The following COL20A1 variants were observed in gnomAD, a reference collection of about 807,000 sequenced individuals.
The protein encoded by COL20A1 is collagen alpha-1(XX) chain.
COL20A1 carries 164 observed loss-of-function variants against 152.9 expected under a neutral mutation model. The ratio of observed to expected loss-of-function variants is 1.07; its 90% CI spans 0.94 to 1.22. The LOEUF is 1.22. Ranked by LOEUF, COL20A1 falls within the 50% of genes most tolerant of loss-of-function variation. COL20A1 has a pLI of 0.00. For synonymous variants in COL20A1, 864 were observed against 756.0 expected (o/e 1.14, Z -2.34); for missense variants, 1,873 against 1,744.8 (o/e 1.07, Z -1.31).
rs746763283 is a variant in COL20A1 at position 63,312,501 on chromosome 20, C to T, written c.1885C>T (p.Leu629Phe). ...CACCTACACTGTCCGTGTCACCTGC[C>T]TCTACCCTGGGGGTGGCTCCTCTAC... ...STTYTVRVTCLYPGGGSSTLT... is the reference protein window; with the variant it reads ...STTYTVRVTCFYPGGGSSTLT... The change falls in exon 15 of 36, where the codon CTC becomes TTC. Residue 629 changes from leucine to phenylalanine, a missense_variant. By Grantham distance (22) the Leu-to-Phe change is conservative. Coordinates refer to ENST00000358894, the MANE Select transcript of COL20A1 (RefSeq NM_020882.4). The T allele has an allele frequency of 2.4e-5, 38 of 1,608,688 alleles. No homozygotes were observed. Among genetic ancestry groups the T allele is most frequent in the Admixed American group, 8.4e-5 (5 of 59,830 alleles).
At chr20:63,299,772 A>G (rs1186778118) in intron 3 of COL20A1, among the ~76,000 whole-genome samples, 1 of 152,024 alleles carries the variant, frequency 6.6e-6, no homozygotes, top group African/African-American at 2.4e-5. Flanking sequence ...TGATTAATGT[A>G]GTAAACTACA....
At chr20:63,303,045 C>T (rs539057077) in intron 3 of COL20A1, among the ~76,000 whole-genome samples, 1 of 152,312 alleles carries the variant, frequency 6.6e-6, no homozygotes, top group African/African-American at 2.4e-5. Flanking sequence ...TGATTATTCC[C>T]TGATGCCATC....
Position 63,297,829 on chromosome 20 carries a change from G to A in COL20A1, c.83-81G>A, listed in dbSNP as rs1490281323. 2.9e-5 allele frequency: 31 copies of A among 1,071,082 alleles called. No individual in the cohort carries two copies. The East Asian group carries it at 6.7e-4, about 23-fold the overall frequency. 66.3% of individuals were successfully genotyped at this position (1,071,082 alleles called of 1,614,324 possible). Reference sequence around the variant, plus strand: ...ACTGTGTTCCTCCCAAATGCTGAGGGCAGGATGCCTGTACCCCCACAGCTG... The same window carrying A: ...ACTGTGTTCCTCCCAAATGCTGAGGACAGGATGCCTGTACCCCCACAGCTG... On this transcript the variant is annotated intron_variant, in intron 2 of 35. Coordinates refer to ENST00000358894, the MANE Select transcript of COL20A1 (RefSeq NM_020882.4).
chr20:63,317,012 G>T (rs1264056986), intron 21 of COL20A1, among the ~76,000 whole-genome samples: 1 of 150,980 alleles, frequency 6.6e-6, no homozygotes, highest in Admixed American at 6.6e-5. Flanking sequence ...GAGGCGATGG[G>T]CCAAACTGCC....
chr20:63,308,684 G>A lies in COL20A1; in HGVS notation c.918G>A (p.Leu306=). 1 of 1,605,578 alleles carries A rather than the reference G, an allele frequency of 6.2e-7. No individual in the cohort carries two copies. The highest frequency in any genetic ancestry group is 8.5e-7 in the Non-Finnish European group (1 of 1,176,492). The change falls in exon 8 of 36, where the codon CTG becomes CTA. Residue 306 remains leucine, a synonymous_variant. Coordinates refer to ENST00000358894, the MANE Select transcript of COL20A1 (RefSeq NM_020882.4). ...VHTAARVLKD[L]GVNVFAVGVK... ...CTGCTGCCCGTGTCCTCAAGGACCT[G>A]GGCGTGAACGTCTTCGCTGTGGGTG... is the stretch of plus-strand genomic sequence containing the variant.
At position 63,313,590 on chromosome 20, in the gene COL20A1, CA is replaced by C. The variant is rs900238573; in HGVS notation, c.2210-152del. Among the ~76,000 whole-genome samples, 5 of 151,944 alleles carry C rather than the reference CA, an allele frequency of 3.3e-5. No individual in the cohort carries two copies. Among genetic ancestry groups the C allele is most frequent in the Admixed American group, 6.6e-5 (1 of 15,260 alleles). ...TGGCAGGGGTGTGGTGTGGTTGTGC[CA>C]GGGGGGTGATGCGGGCTGTGGTAGG... On this transcript the variant is annotated intron_variant, in intron 17 of 35. Transcript: ENST00000358894. The surrounding 1 kb of genome is among the most constrained non-coding windows in gnomAD (Gnocchi z 5.9).
chr20:63,298,312 G>A (rs1040028906), intron 3 of COL20A1, among the ~76,000 whole-genome samples: 3 of 152,090 alleles, frequency 2.0e-5, no homozygotes, highest in South Asian at 2.1e-4. Context: ...TTTTTTAAAG[G>A]CAGGGTCTTG....
At position 63,328,505 on chromosome 20, in the gene COL20A1, G is replaced by A; in HGVS notation, c.3781+7G>A. On this transcript the variant is annotated splice_region_variant and intron_variant, in intron 34 of 35. Transcript: ENST00000358894. ...CGCCACCTTGAGGGCAGAGGTACTG[G>A]GCTCCTGGCTCTTGGGGAGGGAGTT... 2 of 1,602,906 alleles carry A rather than the reference G, an allele frequency of 1.2e-6. No homozygotes were observed. The highest frequency in any genetic ancestry group is 1.7e-6 in the Non-Finnish European group (2 of 1,173,882).
In COL20A1 at chr20:63,320,174, G is replaced by A; in HGVS notation, c.3052G>A (p.Gly1018Ser). Residue 1018 changes from glycine to serine, a missense_variant, in exon 24 of 36, where the codon GGC becomes AGC. Gly to Ser is a moderately conservative substitution (Grantham distance 56). Coordinates refer to ENST00000358894, the MANE Select transcript of COL20A1 (RefSeq NM_020882.4). Reference protein sequence around the residue: ...VTLGRLAKARGPRSSSAAFQL... With the variant: ...VTLGRLAKARSPRSSSAAFQL... ...GCTGGGGAGGCTGGCCAAGGCCAGGGGCCCCCGGAGCAGTTCGGCCGCGGT... is the reference window on the plus strand; with the variant it reads ...GCTGGGGAGGCTGGCCAAGGCCAGGAGCCCCCGGAGCAGTTCGGCCGCGGT... The A allele has an allele frequency of 6.4e-7, 1 of 1,563,070 alleles. No homozygotes were observed. The highest frequency in any genetic ancestry group is 2.4e-5 in the East Asian group (1 of 42,178).
intron 2 of COL20A1, among the ~76,000 whole-genome samples, chr20:63,295,899 C>T (rs773619613): frequency 1.3e-5 from 2 of 152,268 alleles, no homozygotes; most frequent in African/African-American, 2.4e-5. Flanking sequence ...CGGCGCCTCC[C>T]GGCACCTGCA....
intron 21 of COL20A1, among the ~76,000 whole-genome samples, chr20:63,318,368 G>A (rs1182125980): frequency 1.4e-5 from 2 of 145,938 alleles, no homozygotes; most frequent in African/African-American, 2.4e-5. Flanking sequence ...AGGAGGCTAC[G>A]GCCATTGGGA....
At chr20:63,326,053 C>G in intron 29 of COL20A1, 43 bp from the exon 30 acceptor site, 1 of 1,566,786 alleles carries the variant, frequency 6.4e-7, no homozygotes, top group African/African-American at 1.3e-5. Flanking sequence ...GGGCTGGGTA[C>G]AGGTACAAAC....
At position 63,315,432 on chromosome 20, in the gene COL20A1, C is replaced by T. The variant is rs748606268; in HGVS notation, c.2517C>T (p.Ser839=). Residue 839 remains serine, a synonymous_variant, in exon 20 of 36, where the codon TCC becomes TCT. Transcript: ENST00000358894. ...GCCCAGCCCTCCGCCCTGACGGCTC[C>T]CTCCCAGGTGGGTCCTGCATGCCCT... is the stretch of plus-strand genomic sequence containing the variant. ...TACPALRPDG[S]LPGFDLMVAF... is the part of the protein sequence containing the mutation. 9 of 1,578,792 alleles carry T rather than the reference C, an allele frequency of 5.7e-6. No individual in the cohort carries two copies. In the African/African-American group the frequency reaches 1.2e-4, roughly 21 times the overall value.
At chr20:63,314,512 G>T (rs568552068) in intron 19 of COL20A1, among the ~76,000 whole-genome samples, 2 of 152,282 alleles carry the variant, frequency 1.3e-5, no homozygotes, top group South Asian at 4.1e-4. Flanking sequence ...CAGGGCGAGG[G>T]CTCTGAGAGG....
chr20:63,312,589 T>G, intron 15 of COL20A1, 40 bp downstream of exon 15: 3 of 1,531,544 alleles, frequency 2.0e-6, no homozygotes, highest in Non-Finnish European at 2.6e-6. Flanking sequence ...CCAGCAGGGT[T>G]TCTGTGTCCT....
At chr20:63,312,084 G>A (rs1261226192) in intron 14 of COL20A1, 29 bp downstream of exon 14, 2 of 1,525,772 alleles carry the variant, frequency 1.3e-6, no homozygotes, top group East Asian at 2.3e-5. Flanking sequence ...GGGGGCCCGA[G>A]TGTCTTGAGG....
chr20:63,327,814 T>A (rs1328056234), intron 31 of COL20A1, 138 bp from the exon 32 acceptor site: 1 of 853,198 alleles, frequency 1.2e-6, no homozygotes, highest in Non-Finnish European at 1.9e-6. Flanking sequence ...GATCTGGGAA[T>A]TTGGGATGGG....
chr20:63,305,322 TG>T lies in COL20A1; in HGVS notation c.194-91del. 2 of 1,023,438 alleles carry T rather than the reference TG, an allele frequency of 2.0e-6. No individual in the cohort carries two copies. 63.4% of individuals were successfully genotyped at this position (1,023,438 alleles called of 1,614,324 possible). A position where few individuals can be genotyped will look rare whatever the true frequency, so the allele number is the denominator to read the frequency against. ...CTGGCTTCAAGGGGAGCAGCTGGGG[TG>T]GGGAGGAGGAGCCAAGAGGGTTTCA... On this transcript the variant is annotated intron_variant, in intron 3 of 35. Transcript: ENST00000358894. The surrounding 1 kb of genome is among the most constrained non-coding windows in gnomAD (Gnocchi z 4.9).
chr20:63,311,433 T>C lies in COL20A1; in HGVS notation c.1433T>C (p.Val478Ala), dbSNP rs2068003568. The change falls in exon 12 of 36, where the codon GTG becomes GCG. Residue 478 changes from valine (V) to alanine (A), a missense_variant. Val to Ala is a moderately conservative substitution (Grantham distance 64, BLOSUM62 0). Transcript: ENST00000358894. This position sits in a 1 kb window ranked among gnomAD's most constrained non-coding sequence, Gnocchi z 4.4. The stretch of plus-strand genomic sequence containing the variant: ...CCCCGGGCGCTGACCCTGGCCGCAG[T>C]GACGCCCAGAACCGTCCACCTCACC... Reference protein sequence around the residue: ...PPPRALTLAAVTPRTVHLTWQ... With the variant: ...PPPRALTLAAATPRTVHLTWQ... 6.3e-7 allele frequency: 1 copy of C among 1,575,612 alleles called. No individual in the cohort carries two copies. The highest frequency in any genetic ancestry group is 1.3e-5 in the African/African-American group (1 of 74,114).
Sources: allele counts gnomAD v4.1 joint callset (sites outside exome capture counted in the v4.1 genomes callset), GRCh38; gene constraint gnomAD v4.1.1; non-coding constraint Gnocchi (gnomAD v3.1); transcripts MANE v1.5; gene names NCBI Gene and HGNC (gene_info 2026-07-23, HGNC 2026-07-21).